Variants in PIK3CD observed in about 807,000 individuals in gnomAD.
The protein encoded by PIK3CD is phosphatidylinositol 4,5-bisphosphate 3-kinase catalytic subunit delta isoform.
PIK3CD carries 20 observed loss-of-function variants against 122.9 expected under a neutral mutation model. The observed-to-expected ratio is 0.16, with a 90% CI of 0.11 to 0.24. PIK3CD has a LOEUF of 0.24. Among genes scored for constraint, PIK3CD ranks in the 10% least tolerant of loss-of-function variants. The pLI, the probability that PIK3CD is intolerant of heterozygous loss-of-function variation, is 1.00. For synonymous variants in PIK3CD, 596 were observed against 593.4 expected (o/e 1.00, Z -0.06); for missense variants, 787 against 1,406.3 (o/e 0.56, Z 7.04).
At chr1:9,712,056 C>T (rs1157124832) in intron 3 of PIK3CD, among the ~76,000 whole-genome samples, 5 of 151,792 alleles carry the variant, frequency 3.3e-5, no homozygotes, top group African/African-American at 1.2e-4. Context: ...ACCACCACGC[C>T]CGGCTAATTT....
At chr1:9,638,126 A>G in the PIK3CD span, among the ~76,000 whole-genome samples, 2,675 of 152,032 alleles carry the variant, frequency 0.018, 82 homozygotes, top group African/African-American at 0.061. Context: ...AAATAAATAA[A>G]TAAATAAATG....
At chr1:9,665,420 AT>A (rs1172873423) in intron 1 of PIK3CD, among the ~76,000 whole-genome samples, 1 of 150,966 alleles carries the variant, frequency 6.6e-6, no homozygotes, top group African/African-American at 2.4e-5. Flanking sequence ...TGCCCGGCTA[AT>A]TTTTTGTATT....
chr1:9,720,550 G>A lies in PIK3CD; in HGVS notation c.1471-61G>A. On this transcript the variant is annotated intron_variant, in intron 11 of 23. Coordinates refer to ENST00000377346, the MANE Select transcript of PIK3CD (RefSeq NM_005026.5). The surrounding 1 kb of genome is among the most constrained non-coding windows in gnomAD (Gnocchi z 9.0). ...TGATTGGGGTGGCAATGCCCGGCCT[G>A]GGGGTCCTGCCCGGGCTGGTCCAGG... is the stretch of plus-strand genomic sequence containing the variant. 2 of 1,547,966 alleles carry A rather than the reference G, an allele frequency of 1.3e-6. No individual in the cohort carries two copies. The highest frequency in any genetic ancestry group is 1.7e-6 in the Non-Finnish European group (2 of 1,145,474).
intron 1 of PIK3CD, among the ~76,000 whole-genome samples, chr1:9,690,520 C>A (rs1646161747): frequency 6.6e-6 from 1 of 152,184 alleles, no homozygotes; most frequent in African/African-American, 2.4e-5. Context: ...GTGCTGACCT[C>A]CTGTTTCTCT....
chr1:9,646,062 G>A, the PIK3CD span, among the ~76,000 whole-genome samples: 3 of 151,842 alleles, frequency 2.0e-5, no homozygotes, highest in Non-Finnish European at 2.9e-5. Context: ...GGGAGCCACC[G>A]CACCTGGCCG....
chr1:9,658,482 G>C (rs1644922557), intron 1 of PIK3CD, among the ~76,000 whole-genome samples: 1 of 145,558 alleles, frequency 6.9e-6, no homozygotes, highest in Admixed American at 7.0e-5. Flanking sequence ...AAAATGTACT[G>C]TCTTTGGAGT....
intron 1 of PIK3CD, among the ~76,000 whole-genome samples, chr1:9,679,034 G>A (rs1247128312): frequency 6.7e-6 from 1 of 150,164 alleles, no homozygotes; most frequent in Non-Finnish European, 1.5e-5. Flanking sequence ...CTGGGTGTGT[G>A]AACCTTCTTT....
chr1:9,653,629 C>A, intron 1 of PIK3CD: 1 of 436,178 alleles, frequency 2.3e-6, no homozygotes, highest in Non-Finnish European at 4.3e-6. Context: ...ACCCCCTCCC[C>A]AATTTGATTG....
chr1:9,717,654 A>G lies in PIK3CD; in HGVS notation c.1020+28A>G. 1 of 1,606,486 alleles carries G rather than the reference A, an allele frequency of 6.2e-7. No homozygotes were observed. The highest frequency in any genetic ancestry group is 8.5e-7 in the Non-Finnish European group (1 of 1,173,452). Reference sequence around the variant, plus strand: ...GGGGCTCCTGGGATAGGTGGGAGAGACACTGTTTTTTTGCACAAACAAGGT... The same window carrying G: ...GGGGCTCCTGGGATAGGTGGGAGAGGCACTGTTTTTTTGCACAAACAAGGT... On this transcript the variant is annotated intron_variant, in intron 8 of 23. Coordinates refer to ENST00000377346, the MANE Select transcript of PIK3CD (RefSeq NM_005026.5). The surrounding 1 kb of genome is among the most constrained non-coding windows in gnomAD (Gnocchi z 5.4).
the PIK3CD span, among the ~76,000 whole-genome samples, chr1:9,635,275 GA>G: frequency 1.7e-3 from 220 of 128,474 alleles, no homozygotes; most frequent in Non-Finnish European, 2.1e-3. Context: ...ACTCCATCCT[GA>G]AAAAAAAAAA....
chr1:9,654,778 G>A (rs888900304), intron 1 of PIK3CD, among the ~76,000 whole-genome samples: 1 of 152,192 alleles, frequency 6.6e-6, no homozygotes, highest in African/African-American at 2.4e-5. Flanking sequence ...GGCTCTTTCA[G>A]GCTGGGCGCG....
At chr1:9,643,073 C>CAAAGA in the PIK3CD span, among the ~76,000 whole-genome samples, 19 of 149,340 alleles carry the variant, frequency 1.3e-4, no homozygotes, top group African/African-American at 3.5e-4. Flanking sequence ...AATCCTGTCT[C>CAAAGA]AAAGAAAAGA....
intron 23 of PIK3CD, among the ~76,000 whole-genome samples, chr1:9,726,310 C>A (rs999079051): frequency 6.6e-6 from 1 of 152,068 alleles, no homozygotes; most frequent in African/African-American, 2.4e-5. Flanking sequence ...AGATCGAGAC[C>A]ATCCTGGCTA....
chr1:9,666,727 C>T (rs934225827), intron 1 of PIK3CD, among the ~76,000 whole-genome samples: 1 of 152,110 alleles, frequency 6.6e-6, no homozygotes, highest in Admixed American at 6.6e-5. Flanking sequence ...TTTTTTGAGG[C>T]AGAGTCTCGC....
chr1:9,703,482 C>T (rs1376158240), intron 2 of PIK3CD, among the ~76,000 whole-genome samples: 1 of 152,172 alleles, frequency 6.6e-6, no homozygotes, highest in East Asian at 1.9e-4. Context: ...TTACTAGCAC[C>T]CAGAAGCCTC....
intron 1 of PIK3CD, among the ~76,000 whole-genome samples, chr1:9,665,817 G>A (rs190949830): frequency 4.6e-5 from 7 of 151,480 alleles, no homozygotes; most frequent in African/African-American, 7.3e-5. Flanking sequence ...GCAGTGGTGC[G>A]ATCTCCACTC....
At chr1:9,691,304 CA>C in intron 1 of PIK3CD, among the ~76,000 whole-genome samples, 162 bp from the exon 2 acceptor site, 1 of 152,230 alleles carries the variant, frequency 6.6e-6, no homozygotes, top group South Asian at 2.1e-4. Context: ...ACGCAGATGG[CA>C]AGAAAGGCCG....
chr1:9,661,771 C>G (rs1008140079), intron 1 of PIK3CD, among the ~76,000 whole-genome samples: 2 of 152,032 alleles, frequency 1.3e-5, no homozygotes, highest in Non-Finnish European at 2.9e-5. Context: ...CCGAGGCGGA[C>G]GGATCACGAG....
chr1:9,642,731 A>C, the PIK3CD span, among the ~76,000 whole-genome samples: 1 of 151,216 alleles, frequency 6.6e-6, no homozygotes. Flanking sequence ...AAAAAAAAAA[A>C]AAACTTGACC....
Sources: allele counts gnomAD v4.1 joint callset (sites outside exome capture counted in the v4.1 genomes callset), GRCh38; gene constraint gnomAD v4.1.1; non-coding constraint Gnocchi (gnomAD v3.1); transcripts MANE v1.5; gene names NCBI Gene and HGNC (gene_info 2026-07-23, HGNC 2026-07-21).